The following DHX15 variants were observed in gnomAD, a reference collection of about 807,000 sequenced individuals.
DHX15 encodes DEAH-box helicase 15.
Under a neutral mutation model 94.4 loss-of-function variants are expected in DHX15, and 11 were observed. The observed-to-expected ratio is 0.12, with a 90% CI of 0.07 to 0.19. DHX15 has a LOEUF of 0.19. Ranked by LOEUF, DHX15 falls within the 10% of genes least tolerant of loss-of-function variation. The pLI, the probability that DHX15 is intolerant of heterozygous loss-of-function variation, is 1.00. For synonymous variants in DHX15, 338 were observed against 329.9 expected, an observed-to-expected ratio of 1.02 and a Z score of -0.27; for missense variants, 304 against 988.5, an observed-to-expected ratio of 0.31 and a Z score of 9.29.
At chr4:24,535,599 C>T (rs1721178305) in intron 11 of DHX15, among the ~76,000 whole-genome samples, 1 of 152,210 alleles carries the variant, frequency 6.6e-6, no homozygotes, top group South Asian at 2.1e-4. Flanking sequence ...ACTCTCATAT[C>T]TGCCCCCAAG....
intron 1 of DHX15, among the ~76,000 whole-genome samples, chr4:24,579,712 T>C (rs772770066): frequency 6.6e-6 from 1 of 152,254 alleles, no homozygotes; most frequent in Non-Finnish European, 1.5e-5. Context: ...ATATATGTGA[T>C]GTGCTTTAAG....
chr4:24,572,884 TGGTGTATTCAAGCCAGG>T (rs993273979), intron 2 of DHX15, among the ~76,000 whole-genome samples: 6 of 152,140 alleles, frequency 3.9e-5, no homozygotes, highest in African/African-American at 1.4e-4. Context: ...TGTAGGCTAC[TGGTGTATTCAAGCCAGG>T]GATCCGGCTT....
intron 11 of DHX15, 155 bp from the exon 12 acceptor site, chr4:24,533,209 A>G: frequency 1.5e-6 from 1 of 680,366 alleles, no homozygotes; most frequent in East Asian, 2.7e-5. Flanking sequence ...CAATGTTACC[A>G]ACTTTCTCAA....
chr4:24,569,765 CT>C (rs201718821), intron 3 of DHX15, among the ~76,000 whole-genome samples: 2 of 151,244 alleles, frequency 1.3e-5, no homozygotes, highest in East Asian at 1.9e-4. Context: ...TATGATTTTT[CT>C]TTTTTTTTAA....
intron 1 of DHX15, among the ~76,000 whole-genome samples, chr4:24,583,303 C>T (rs1399015620): frequency 6.6e-6 from 1 of 152,110 alleles, no homozygotes; most frequent in East Asian, 1.9e-4. Context: ...TCCTCTGTAC[C>T]TTTAAGGAAA....
At chr4:24,583,475 A>G (rs1417931563) in intron 1 of DHX15, among the ~76,000 whole-genome samples, 1 of 147,644 alleles carries the variant, frequency 6.8e-6, no homozygotes, top group Non-Finnish European at 1.5e-5. Flanking sequence ...TAAATGATGA[A>G]AAAAAAAAAC....
chr4:24,540,964 A>C lies in DHX15; in HGVS notation c.1486-16T>G. ...AGGTGTTATCCTAGCAAAGAACAAA[A>C]ACATTTATTGGTTATGTTAAAAATG... is the stretch of plus-strand genomic sequence containing the variant. On this transcript the variant is annotated splice_polypyrimidine_tract_variant and intron_variant, in intron 8 of 13. Transcript: ENST00000336812. 2 of 1,497,888 alleles carry C rather than the reference A, an allele frequency of 1.3e-6. No individual in the cohort carries two copies. The highest frequency in any genetic ancestry group is 1.8e-6 in the Non-Finnish European group (2 of 1,085,620). The allele number at this position is 1,497,888 out of a possible 1,614,324, so 92.8% of individuals were successfully genotyped here.
At chr4:24,539,125 C>T (rs1721255820) in intron 10 of DHX15, 1 of 152,094 alleles carries the variant, frequency 6.6e-6, no homozygotes, top group African/African-American at 2.4e-5. Flanking sequence ...AACATTTTAG[C>T]TACTTCTTAA....
intron 6 of DHX15, among the ~76,000 whole-genome samples, chr4:24,545,975 T>A (rs1280668229): frequency 6.6e-6 from 1 of 152,160 alleles, no homozygotes; most frequent in Non-Finnish European, 1.5e-5. Flanking sequence ...CTCAATAACC[T>A]GCCTTCTAAT....
intron 7 of DHX15, 127 bp downstream of exon 7, chr4:24,542,813 C>G: frequency 3.1e-6 from 2 of 652,196 alleles, no homozygotes; most frequent in Non-Finnish European, 5.2e-6. Flanking sequence ...GTTCATACAG[C>G]AGAAATTTGC....
chr4:24,531,468 T>C (rs1221704128), intron 12 of DHX15, among the ~76,000 whole-genome samples: 4 of 152,036 alleles, frequency 2.6e-5, no homozygotes, highest in Non-Finnish European at 5.9e-5. Flanking sequence ...ATCTCAGCAC[T>C]TTGGGAGGTC....
At chr4:24,543,714 A>G (rs1174313212) in intron 6 of DHX15, among the ~76,000 whole-genome samples, 1 of 152,174 alleles carries the variant, frequency 6.6e-6, no homozygotes, top group Non-Finnish European at 1.5e-5. Flanking sequence ...ATGTTTTACT[A>G]TATATTACAT....
rs535960431 is a variant in DHX15, at chr4:24,558,855, T to C, written c.702-2445A>G. Among the ~76,000 whole-genome samples the C allele has an allele frequency of 2.1e-3, 322 of 152,272 alleles. 3 individuals are homozygous for C. The highest frequency in any genetic ancestry group is 7.5e-3 in the African/African-American group (312 of 41,570). ...TTTCCAGACTCTCAAAACCAGTTAC[T>C]AAGACTAGGTATCACTGTACTGATT... On this transcript the variant is annotated intron_variant, in intron 3 of 13. Transcript: ENST00000336812.
chr4:24,573,066 A>C (rs1222152582), intron 2 of DHX15, among the ~76,000 whole-genome samples: 1 of 152,058 alleles, frequency 6.6e-6, no homozygotes, highest in Admixed American at 6.5e-5. Context: ...GTGCGCCACC[A>C]CGCCCAGCTG....
At position 24,542,077 on chromosome 4, in the gene DHX15, ATGCAACAGAAG is replaced by A. The variant is rs755884240; in HGVS notation, c.1336-66_1336-56del. 2.0e-5 allele frequency: 29 copies of A among 1,475,268 alleles called. No individual in the cohort carries two copies. In the South Asian group the frequency reaches 3.7e-4, roughly 19 times the overall value. 91.4% of individuals were successfully genotyped at this position (1,475,268 alleles called of 1,614,324 possible). A position where few individuals can be genotyped will look rare whatever the true frequency, so the allele number is the denominator to read the frequency against. ...TTCTTCAGTCAAACACAAAATTGTG[ATGCAACAGAAG>A]TATCCAAAGCCCACAGTTAATTCCA... On this transcript the variant is annotated intron_variant, in intron 7 of 13. Transcript: ENST00000336812.
intron 12 of DHX15, among the ~76,000 whole-genome samples, chr4:24,531,171 C>G (rs1364743283): frequency 6.6e-6 from 1 of 151,794 alleles, no homozygotes; most frequent in Admixed American, 6.6e-5. Flanking sequence ...TCACTGCAAG[C>G]TCTGCCTCCC....
intron 3 of DHX15, among the ~76,000 whole-genome samples, chr4:24,567,577 C>CA (rs1199812637): frequency 0.014 from 1,333 of 98,512 alleles, 16 homozygotes; most frequent in East Asian, 0.067. Context: ...ACTCCGTCTC[C>CA]AAAAAAAAAA....
intron 3 of DHX15, among the ~76,000 whole-genome samples, chr4:24,569,156 A>C (rs1433360242): frequency 6.6e-6 from 1 of 152,234 alleles, no homozygotes; most frequent in African/African-American, 2.4e-5. Flanking sequence ...ATACACACTG[A>C]AATATTTATA....
Position 24,529,610 on chromosome 4 carries a change from T to C in DHX15, c.2261A>G (p.Lys754Arg), listed in dbSNP as rs1287272303. The change falls in exon 13 of 14, where the codon AAG (lysine) becomes AGG (arginine). Residue 754 changes from lysine to arginine, a missense_variant. Around this residue, in one of 9 missense-constraint regions of DHX15, gnomAD observed 44 missense variants for 236.7 expected, o/e 0.19. Coordinates refer to ENST00000336812, the MANE Select transcript of DHX15 (RefSeq NM_001358.3). ...CAAAAGGTGTACTTACCATTCTGGC[T>C]TGATATCTGTACATGTCCGGATGTA... ...KNYIRTCTDI[K>R]PEWLVKIAPQ... The C allele has an allele frequency of 1.2e-6, 2 of 1,613,966 alleles. No homozygotes were observed. Among genetic ancestry groups the C allele is most frequent in the Non-Finnish European group, 1.7e-6 (2 of 1,180,000 alleles).
Sources: allele counts gnomAD v4.1 joint callset (sites outside exome capture counted in the v4.1 genomes callset), GRCh38; gene constraint gnomAD v4.1.1; regional missense constraint gnomAD v4.1.1; transcripts MANE v1.5; gene names NCBI Gene and HGNC (gene_info 2026-07-23, HGNC 2026-07-21).